PDE10A: variants seen among roughly 807,000 people sequenced by gnomAD.
The protein encoded by PDE10A is phosphodiesterase 10A, also known as cAMP and cAMP-inhibited cGMP 3',5'-cyclic phosphodiesterase 10A.
A neutral mutation model predicts 97.7 loss-of-function variants in PDE10A; 39 were observed. The observed-to-expected ratio is 0.40, with a 90% CI of 0.31 to 0.52. The LOEUF is 0.52. Among genes scored for constraint, PDE10A ranks in the 20% least tolerant of loss-of-function variants. PDE10A has a pLI of 0.56. For synonymous variants in PDE10A, 371 were observed against 376.8 expected (o/e 0.98, Z 0.18); for missense variants, 731 against 1,047.8 (o/e 0.70, Z 4.17).
At chr6:165,365,344 AC>A (rs1783703432) in intron 18 of PDE10A, among the ~76,000 whole-genome samples, 1 of 152,182 alleles carries the variant, frequency 6.6e-6, no homozygotes, top group Non-Finnish European at 1.5e-5. Flanking sequence ...AGTGGCAAAA[AC>A]AAAACAAATC....
intron 2 of PDE10A, among the ~76,000 whole-genome samples, chr6:165,518,778 G>A (rs635547): frequency 0.81 from 122,860 of 152,138 alleles, 50,038 homozygotes; most frequent in Non-Finnish European, 0.86. Flanking sequence ...AATCTGTGCT[G>A]GTTTGCCATC....
chr6:165,837,852 A>AT (rs1780110132), intron 1 of PDE10A, among the ~76,000 whole-genome samples: 2 of 151,726 alleles, frequency 1.3e-5, no homozygotes, highest in Non-Finnish European at 2.9e-5. Context: ...CACCCGGCTA[A>AT]TTTTTTGTAT....
At chr6:165,420,243 T>C (rs1788600760) in intron 10 of PDE10A, among the ~76,000 whole-genome samples, 1 of 152,220 alleles carries the variant, frequency 6.6e-6, no homozygotes, top group Non-Finnish European at 1.5e-5. Flanking sequence ...GCCGCGTTCA[T>C]TCATTTCTTT....
intron 1 of PDE10A, among the ~76,000 whole-genome samples, chr6:165,610,830 G>A (rs1007462731): frequency 6.6e-6 from 1 of 152,096 alleles, no homozygotes; most frequent in Non-Finnish European, 1.5e-5. Flanking sequence ...CAAAGAATCA[G>A]AAATCTTTTT....
At chr6:165,419,029 G>A (rs1432153354) in intron 10 of PDE10A, among the ~76,000 whole-genome samples, 2 of 152,130 alleles carry the variant, frequency 1.3e-5, no homozygotes, top group South Asian at 2.1e-4. Flanking sequence ...CTGTGCTGGA[G>A]GGAAGCATAT....
chr6:165,497,196 T>C (rs1780589915), intron 2 of PDE10A, among the ~76,000 whole-genome samples: 1 of 152,200 alleles, frequency 6.6e-6, no homozygotes, highest in Non-Finnish European at 1.5e-5. Context: ...TAATAACTTG[T>C]TGTAATCACA....
intron 1 of PDE10A, among the ~76,000 whole-genome samples, chr6:165,842,108 C>A (rs1320322159): frequency 1.3e-5 from 2 of 152,186 alleles, no homozygotes; most frequent in Admixed American, 6.5e-5. Flanking sequence ...GTTCTTCCCC[C>A]TAAAATTATG....
rs1353339427 is a variant in PDE10A, at chr6:165,418,397, C to T, written c.1796+238G>A. 1.3e-5 allele frequency among the ~76,000 whole-genome samples: 2 copies of T among 152,128 alleles called. No individual in the cohort carries two copies. Among genetic ancestry groups the T allele is most frequent in the East Asian group, 1.9e-4 (1 of 5,198 alleles). ...TTTCCAACATGATTTCCAAAAGGAC[C>T]GCCTCCGGAAGACGGCATTTCCAGG... On this transcript the variant is annotated intron_variant, in intron 11 of 21. Transcript: ENST00000539869. The surrounding 1 kb of genome is among the most constrained non-coding windows in gnomAD (Gnocchi z 4.8).
At chr6:165,399,607 G>C (rs1477424068) in intron 13 of PDE10A, among the ~76,000 whole-genome samples, 1 of 146,904 alleles carries the variant, frequency 6.8e-6, no homozygotes, top group Non-Finnish European at 1.5e-5. Flanking sequence ...CCCAGTGTGT[G>C]ATGTTCCCCT....
chr6:165,697,943 C>T (rs1791478940), intron 1 of PDE10A, among the ~76,000 whole-genome samples: 1 of 152,168 alleles, frequency 6.6e-6, no homozygotes. Context: ...TGGTTTATTC[C>T]TGTTACGCCG....
chr6:165,595,610 A>AT (rs1786539533), intron 1 of PDE10A, among the ~76,000 whole-genome samples: 1 of 152,140 alleles, frequency 6.6e-6, no homozygotes, highest in Non-Finnish European at 1.5e-5. Context: ...TCTCCAACTA[A>AT]TACGTCTGTC....
chr6:165,438,171 C>A (rs184754975), intron 5 of PDE10A, among the ~76,000 whole-genome samples: 1 of 151,990 alleles, frequency 6.6e-6, no homozygotes, highest in Non-Finnish European at 1.5e-5. Flanking sequence ...TCCTCAAAGA[C>A]GCTTTTTTTA....
intron 1 of PDE10A, among the ~76,000 whole-genome samples, chr6:165,866,332 C>T (rs956115006): frequency 6.6e-6 from 1 of 151,508 alleles, no homozygotes; most frequent in Non-Finnish European, 1.5e-5. Flanking sequence ...TTTTTTGACT[C>T]ACCTTGCCCT....
intron 1 of PDE10A, among the ~76,000 whole-genome samples, chr6:165,583,152 C>A (rs888085137): frequency 2.0e-5 from 3 of 152,084 alleles, no homozygotes; most frequent in Non-Finnish European, 4.4e-5. Context: ...TCAAAATGAT[C>A]CAGATAAATT....
At chr6:165,368,154 C>A (rs746423455) in intron 18 of PDE10A, among the ~76,000 whole-genome samples, 9 of 152,100 alleles carry the variant, frequency 5.9e-5, no homozygotes, top group Non-Finnish European at 1.0e-4. Context: ...CACCACCACA[C>A]CTGGCTAATT....
intron 1 of PDE10A, among the ~76,000 whole-genome samples, chr6:165,817,333 T>C (rs1779446320): frequency 6.6e-6 from 1 of 152,100 alleles, no homozygotes. Context: ...TGTCCATCCC[T>C]AGCTTCTACA....
chr6:165,425,643 C>G (rs1286902307), intron 10 of PDE10A, among the ~76,000 whole-genome samples: 2 of 152,096 alleles, frequency 1.3e-5, no homozygotes, highest in African/African-American at 4.8e-5. Flanking sequence ...AAAGTCCACA[C>G]TTTGCCACTT....
chr6:165,883,327 G>A (rs1028309112), intron 1 of PDE10A, among the ~76,000 whole-genome samples: 2 of 152,140 alleles, frequency 1.3e-5, no homozygotes, highest in African/African-American at 4.8e-5. Flanking sequence ...CAGATCACTT[G>A]AGGTCAGGAG....
intron 1 of PDE10A, among the ~76,000 whole-genome samples, chr6:165,924,789 T>C (rs150322992): frequency 6.1e-4 from 93 of 152,294 alleles, no homozygotes; most frequent in African/African-American, 2.1e-3. Context: ...AACTTAAATG[T>C]AAAACATAAA....
Sources: allele counts gnomAD v4.1 joint callset (sites outside exome capture counted in the v4.1 genomes callset), GRCh38; gene constraint gnomAD v4.1.1; non-coding constraint Gnocchi (gnomAD v3.1); transcripts MANE v1.5; gene names NCBI Gene and HGNC (gene_info 2026-07-23, HGNC 2026-07-21).